Variants in STRADB observed in about 807,000 individuals in gnomAD.
STRADB encodes the protein STE20 related adaptor beta, also known as STE20-related kinase adapter protein beta.
Under a neutral mutation model 52.1 loss-of-function variants are expected in STRADB, and 34 were observed. That is an observed-to-expected ratio of 0.65 (90% confidence interval 0.50 to 0.87). STRADB has a LOEUF of 0.87. Ranked by LOEUF, STRADB falls within the 40% of genes least tolerant of loss-of-function variation. The pLI is 0.00. For synonymous variants in STRADB, 133 were observed against 174.5 expected (o/e 0.76, Z 1.87); for missense variants, 340 against 483.9 (o/e 0.70, Z 2.79).
At chr2:201,478,312 A>G in intron 9 of STRADB, 45 bp from the exon 10 acceptor site, 1 of 1,606,136 alleles carries the variant, frequency 6.2e-7, no homozygotes, top group Non-Finnish European at 8.5e-7. Context: ...TACTGTTTTA[A>G]TATTTTGCCT....
chr2:201,458,881 G>C lies in STRADB; in HGVS notation c.93+17G>C. 6.2e-7 allele frequency: 1 copy of C among 1,607,096 alleles called. No homozygotes were observed. The highest frequency in any genetic ancestry group is 8.5e-7 in the Non-Finnish European group (1 of 1,174,932). On this transcript the variant is annotated intron_variant, in intron 3 of 11. Coordinates refer to ENST00000194530, the MANE Select transcript of STRADB (RefSeq NM_018571.6). ...CAATACTTGGTAAGAAAATGGTTAGGCTGGATGCAGTGGTTCACACCTGTA... is the reference window on the plus strand; with the variant it reads ...CAATACTTGGTAAGAAAATGGTTAGCCTGGATGCAGTGGTTCACACCTGTA...
chr2:201,469,825 T>G, intron 3 of STRADB, 128 bp from the exon 4 acceptor site: 2 of 656,980 alleles, frequency 3.0e-6, no homozygotes. Context: ...AACAGTGTCT[T>G]AAGCCACCTT....
chr2:201,464,097 C>A (rs1012614318), intron 3 of STRADB, among the ~76,000 whole-genome samples: 7 of 151,896 alleles, frequency 4.6e-5, no homozygotes, highest in Non-Finnish European at 7.4e-5. Context: ...TTACTTTGCT[C>A]ATTTGGTGAA....
chr2:201,472,303 A>G (rs1485759578), intron 4 of STRADB, among the ~76,000 whole-genome samples: 1 of 152,250 alleles, frequency 6.6e-6, no homozygotes, highest in Non-Finnish European at 1.5e-5. Context: ...AAACCTGTAT[A>G]GGAATGTTTT....
chr2:201,465,083 T>A (rs897221926), intron 3 of STRADB, among the ~76,000 whole-genome samples: 5 of 152,184 alleles, frequency 3.3e-5, no homozygotes, highest in African/African-American at 1.2e-4. Flanking sequence ...CTTGGTGCTC[T>A]AGCCTACTGT....
At chr2:201,457,635 A>G (rs1452261116) in intron 2 of STRADB, among the ~76,000 whole-genome samples, 1 of 152,254 alleles carries the variant, frequency 6.6e-6, no homozygotes, top group African/African-American at 2.4e-5. Flanking sequence ...GTAATTGACT[A>G]CAAAGTGTTA....
chr2:201,459,170 A>G (rs893063207), intron 3 of STRADB, among the ~76,000 whole-genome samples: 3 of 152,034 alleles, frequency 2.0e-5, no homozygotes, highest in Non-Finnish European at 2.9e-5. Flanking sequence ...GGCTCTTCCT[A>G]AAGTGGCTCT....
At chr2:201,477,997 G>T (rs1407088085) in intron 8 of STRADB, 90 bp from the exon 9 acceptor site, 3 of 1,261,202 alleles carry the variant, frequency 2.4e-6, no homozygotes, top group Non-Finnish European at 3.3e-6. Context: ...TTCCATTATT[G>T]TTCACCATTC....
Position 201,478,451 on chromosome 2 carries a change from G to C in STRADB, c.920G>C (p.Gly307Ala), listed in dbSNP as rs745485424. The change falls in exon 10 of 12, where the codon GGT (glycine) becomes GCT (alanine). Residue 307 changes from glycine (G) to alanine (A), a missense_variant. By Grantham distance (60) the Gly-to-Ala change is moderately conservative. Coordinates refer to ENST00000194530, the MANE Select transcript of STRADB (RefSeq NM_018571.6). ...TCCAGAATGAAAAATTCCCAGTCAGGTGTAGACTCTGGGATTGGAGAAAGT... is the reference window on the plus strand; with the variant it reads ...TCCAGAATGAAAAATTCCCAGTCAGCTGTAGACTCTGGGATTGGAGAAAGT... ...SESRMKNSQS[G>A]VDSGIGESVL... 6.2e-6 allele frequency: 10 copies of C among 1,614,026 alleles called. No homozygotes were observed. Among genetic ancestry groups the C allele is most frequent in the Non-Finnish European group, 8.5e-7 (1 of 1,180,016 alleles).
chr2:201,452,525 A>T (rs1211350852), intron 1 of STRADB, among the ~76,000 whole-genome samples: 2 of 152,198 alleles, frequency 1.3e-5, no homozygotes, highest in African/African-American at 4.8e-5. Flanking sequence ...GCGCCTGCTT[A>T]GCACGGTGCC....
At chr2:201,468,305 A>G (rs1350569565) in intron 3 of STRADB, among the ~76,000 whole-genome samples, 2 of 151,972 alleles carry the variant, frequency 1.3e-5, no homozygotes, top group African/African-American at 4.8e-5. Flanking sequence ...CTCTTAGTAA[A>G]TCTGAGTTGT....
chr2:201,454,725 T>C, intron 1 of STRADB, 21 bp from the exon 2 acceptor site: 1 of 1,009,756 alleles, frequency 9.9e-7, no homozygotes, highest in Non-Finnish European at 1.4e-6. Context: ...ATCTAAATTA[T>C]TTTGCTTTTG....
At position 201,471,441 on chromosome 2, in the gene STRADB, C is replaced by T. The variant is rs184433688; in HGVS notation, c.193+1389C>T. On this transcript the variant is annotated intron_variant, in intron 4 of 11. Coordinates refer to ENST00000194530, the MANE Select transcript of STRADB (RefSeq NM_018571.6). ...AGGTGGAGATTTGGAATTGTCCTTC[C>T]GCTAGAGAGACATTGTGGAATCATG... Among the ~76,000 whole-genome samples the T allele has an allele frequency of 1.4e-3, 208 of 152,250 alleles. 7 individuals are homozygous for T. The highest frequency in any genetic ancestry group is 4.1e-3 in the Admixed American group (62 of 15,286).
intron 1 of STRADB, 55 bp from the exon 2 acceptor site, chr2:201,454,691 G>A: frequency 1.5e-6 from 1 of 684,522 alleles, no homozygotes; most frequent in Non-Finnish European, 2.3e-6. Flanking sequence ...AAGGCAACTG[G>A]TTCTTTAAGG....
At chr2:201,475,563 G>C (rs1009509714) in intron 6 of STRADB, 56 bp from the exon 7 acceptor site, 2 of 1,608,278 alleles carry the variant, frequency 1.2e-6, no homozygotes, top group African/African-American at 1.3e-5. Flanking sequence ...TTAAAATACA[G>C]CTGGAAGCAA....
chr2:201,457,087 G>A (rs1952139487), intron 2 of STRADB, among the ~76,000 whole-genome samples: 1 of 152,204 alleles, frequency 6.6e-6, no homozygotes, highest in African/African-American at 2.4e-5. Context: ...TAGACACAGT[G>A]AGCGATTCTT....
intron 3 of STRADB, chr2:201,460,743 AT>A: frequency 3.2e-6 from 1 of 311,256 alleles, no homozygotes; most frequent in Non-Finnish European, 6.8e-6. Context: ...TATGTACCAC[AT>A]TTTCTTTATC....
At chr2:201,475,126 T>G (rs1237688368) in intron 6 of STRADB, among the ~76,000 whole-genome samples, 1 of 152,206 alleles carries the variant, frequency 6.6e-6, no homozygotes, top group Non-Finnish European at 1.5e-5. Flanking sequence ...ACTATTTCAC[T>G]GTATTAGAAA....
chr2:201,479,555 T>C, intron 11 of STRADB, 24 bp downstream of exon 11: 2 of 1,584,746 alleles, frequency 1.3e-6, no homozygotes, highest in Non-Finnish European at 1.7e-6. Flanking sequence ...TCATCCGTTG[T>C]CTCGATGTTT....
Sources: allele counts gnomAD v4.1 joint callset (sites outside exome capture counted in the v4.1 genomes callset), GRCh38; gene constraint gnomAD v4.1.1; transcripts MANE v1.5; gene names NCBI Gene and HGNC (gene_info 2026-07-23, HGNC 2026-07-21).